RAB28: variants seen among roughly 807,000 people sequenced by gnomAD.
RAB28 encodes the protein RAB28, member RAS oncogene family, also known as ras-related protein Rab-28.
A neutral mutation model predicts 31.7 loss-of-function variants in RAB28; 24 were observed. The observed-to-expected ratio is 0.76, with a 90% CI of 0.55 to 1.06. The LOEUF (loss-of-function observed/expected upper bound fraction) is 1.06, where lower values mean the gene tolerates loss of function less well. Among genes scored for constraint, RAB28 ranks in the 50% least tolerant of loss-of-function variants. The pLI is 0.00. For missense variants in RAB28, 254 were observed against 258.5 expected (o/e 0.98, Z 0.12); for synonymous variants, 100 against 90.4 (o/e 1.11, Z -0.60).
At chr4:13,382,975 C>T (rs777454470) in intron 4 of RAB28, among the ~76,000 whole-genome samples, 1 of 152,064 alleles carries the variant, frequency 6.6e-6, no homozygotes, top group Non-Finnish European at 1.5e-5. Context: ...GCTAGAATTA[C>T]GGGCGTGAGC....
intron 4 of RAB28, among the ~76,000 whole-genome samples, chr4:13,403,142 G>A (rs1448145261): frequency 6.6e-6 from 1 of 152,114 alleles, no homozygotes; most frequent in Admixed American, 6.5e-5. Context: ...TGCTTTTTTA[G>A]TGAAAAAGCA....
At chr4:13,419,726 A>C (rs1219760816) in intron 4 of RAB28, among the ~76,000 whole-genome samples, 1 of 152,222 alleles carries the variant, frequency 6.6e-6, no homozygotes, top group Admixed American at 6.5e-5. Context: ...ACAATGTACC[A>C]AAATCTCTGG....
intron 4 of RAB28, among the ~76,000 whole-genome samples, chr4:13,401,368 G>A (rs1711740631): frequency 6.6e-6 from 1 of 152,080 alleles, no homozygotes; most frequent in Non-Finnish European, 1.5e-5. Context: ...CACATACCAT[G>A]GCCTGTTGCG....
At position 13,484,265 on chromosome 4, in the gene RAB28, T is replaced by G. The variant is rs576334428; in HGVS notation, c.-115A>C. 9.8e-5 allele frequency: 75 copies of G among 768,576 alleles called. No individual in the cohort carries two copies. The African/African-American group carries it at 1.1e-3, about 12-fold the overall frequency. 47.6% of individuals were successfully genotyped at this position (768,576 alleles called of 1,614,324 possible). A position where few individuals can be genotyped will look rare whatever the true frequency, so the allele number is the denominator to read the frequency against. ...AGTTGCGGCAGGACCCCCGCCCCGG[T>G]GTCTCCGCGCCGGCAGGAGGTATTC... On this transcript the variant is annotated 5_prime_UTR_variant, in exon 1 of 7. Coordinates refer to ENST00000330852, the MANE Select transcript of RAB28 (RefSeq NM_001017979.3).
At chr4:13,428,455 A>T (rs933849883) in intron 4 of RAB28, among the ~76,000 whole-genome samples, 1 of 152,242 alleles carries the variant, frequency 6.6e-6, no homozygotes, top group African/African-American at 2.4e-5. Context: ...ATGAGCAATA[A>T]ACAGGATAAA....
intron 4 of RAB28, among the ~76,000 whole-genome samples, chr4:13,411,721 A>G (rs914490859): frequency 6.6e-6 from 1 of 152,104 alleles, no homozygotes; most frequent in East Asian, 1.9e-4. Flanking sequence ...AATAAAGAAT[A>G]TAATTTAAAA....
intron 4 of RAB28, among the ~76,000 whole-genome samples, chr4:13,446,826 T>G (rs56186402): frequency 0.056 from 8,513 of 152,082 alleles, 547 homozygotes; most frequent in African/African-American, 0.16. Flanking sequence ...AGACTACATC[T>G]TACCCTGGAA....
At chr4:13,377,703 C>G (rs549609200) in intron 5 of RAB28, among the ~76,000 whole-genome samples, 2 of 152,262 alleles carry the variant, frequency 1.3e-5, no homozygotes, top group South Asian at 2.1e-4. Flanking sequence ...ATTGAACATT[C>G]ACTATAGGAG....
chr4:13,370,933 G>A (rs1042288827), intron 6 of RAB28: 1 of 971,348 alleles, frequency 1.0e-6, no homozygotes. Context: ...AAATATGTAT[G>A]ACACAGATAA....
chr4:13,452,932 G>C (rs1189209862), intron 4 of RAB28, among the ~76,000 whole-genome samples: 3 of 151,966 alleles, frequency 2.0e-5, no homozygotes, highest in Non-Finnish European at 4.4e-5. Flanking sequence ...AATAATATTT[G>C]CTTTAAATAT....
chr4:13,375,359 C>A (rs1015653554), intron 6 of RAB28, among the ~76,000 whole-genome samples: 1 of 152,114 alleles, frequency 6.6e-6, no homozygotes, highest in Non-Finnish European at 1.5e-5. Flanking sequence ...CTTTTTTAGA[C>A]CCACCACTAT....
intron 4 of RAB28, among the ~76,000 whole-genome samples, chr4:13,432,853 T>C (rs977006839): frequency 6.6e-6 from 1 of 151,884 alleles, no homozygotes; most frequent in African/African-American, 2.4e-5. Flanking sequence ...TTTAGAGCAA[T>C]TACACAATTG....
intron 3 of RAB28, among the ~76,000 whole-genome samples, chr4:13,465,875 C>T (rs1341043005): frequency 6.6e-6 from 1 of 151,642 alleles, no homozygotes; most frequent in Admixed American, 6.6e-5. Context: ...AAAATAGACA[C>T]ATTAACCAAC....
intron 5 of RAB28, among the ~76,000 whole-genome samples, chr4:13,379,990 T>C (rs1011821472): frequency 2.0e-5 from 3 of 152,022 alleles, no homozygotes; most frequent in Non-Finnish European, 4.4e-5. Flanking sequence ...GGCAAAAAAA[T>C]ACTAAGTGGT....
chr4:13,420,803 C>G (rs1577197005), intron 4 of RAB28, among the ~76,000 whole-genome samples: 1 of 152,226 alleles, frequency 6.6e-6, no homozygotes, highest in South Asian at 2.1e-4. Context: ...CAATATCATA[C>G]TGAATGGGCA....
chr4:13,444,511 C>T (rs1048025025), intron 4 of RAB28, among the ~76,000 whole-genome samples: 1 of 152,142 alleles, frequency 6.6e-6, no homozygotes, highest in African/African-American at 2.4e-5. Flanking sequence ...CTTCAACACA[C>T]TGATTTTATT....
intron 4 of RAB28, among the ~76,000 whole-genome samples, chr4:13,412,982 T>C (rs940016473): frequency 4.0e-5 from 6 of 150,248 alleles, no homozygotes; most frequent in Non-Finnish European, 8.9e-5. Context: ...GATTGAGAAA[T>C]GCAACTACAA....
chr4:13,409,639 A>T, intron 4 of RAB28, among the ~76,000 whole-genome samples: 1 of 152,210 alleles, frequency 6.6e-6, no homozygotes, highest in East Asian at 1.9e-4. Context: ...ATCAGTTACA[A>T]GGAGTGAGAG....
chr4:13,459,326 G>A (rs1230155642), intron 4 of RAB28, among the ~76,000 whole-genome samples: 1 of 152,154 alleles, frequency 6.6e-6, no homozygotes, highest in African/African-American at 2.4e-5. Context: ...TTGTGATCAT[G>A]TGAGTCAATT....
Sources: gnomAD v4.1 joint callset for allele counts (sites outside exome capture counted in the v4.1 genomes callset) on GRCh38, gnomAD v4.1.1 for gene constraint, MANE v1.5 for transcripts, NCBI Gene and HGNC (gene_info 2026-07-23, HGNC 2026-07-21) for gene names.